CTNNA3: variants seen among roughly 807,000 people sequenced by gnomAD.
CTNNA3 encodes catenin alpha-3.
In CTNNA3, 76 loss-of-function variants were observed where a neutral mutation model predicts 95.7. The observed-to-expected ratio is 0.79, with a 90% CI of 0.66 to 0.96. The LOEUF (loss-of-function observed/expected upper bound fraction) is 0.96, where lower values mean the gene tolerates loss of function less well. CTNNA3 is among the 40% of genes least tolerant of loss of function. The pLI, the probability that CTNNA3 is intolerant of heterozygous loss-of-function variation, is 0.00. For synonymous variants in CTNNA3, 431 were observed against 374.4 expected, an observed-to-expected ratio of 1.15 and a Z score of -1.74; for missense variants, 1,191 against 1,089.8, an observed-to-expected ratio of 1.09 and a Z score of -1.31.
chr10:67,516,345 A>G (rs1378358350), intron 5 of CTNNA3, among the ~76,000 whole-genome samples: 1 of 152,166 alleles, frequency 6.6e-6, no homozygotes, highest in African/African-American at 2.4e-5. Context: ...AAGTCCTTAC[A>G]TGATTGAAGG....
At chr10:66,214,705 C>A (rs2088400077) in intron 13 of CTNNA3, among the ~76,000 whole-genome samples, 1 of 151,996 alleles carries the variant, frequency 6.6e-6, no homozygotes, top group Non-Finnish European at 1.5e-5. Context: ...AATGACTCTT[C>A]CTTCTGGTTT....
At chr10:66,113,434 A>C (rs1430726062) in intron 13 of CTNNA3, among the ~76,000 whole-genome samples, 2 of 152,188 alleles carry the variant, frequency 1.3e-5, no homozygotes, top group African/African-American at 4.8e-5. Flanking sequence ...AGGAACAGAA[A>C]ATCTATGGTA....
chr10:67,685,928 C>A (rs557111309), intron 1 of CTNNA3, among the ~76,000 whole-genome samples: 2 of 152,218 alleles, frequency 1.3e-5, no homozygotes, highest in East Asian at 3.9e-4. Flanking sequence ...GTCTCCTTCT[C>A]TTTGTCTATC....
At chr10:66,404,782 G>GTTTTT (rs3998970) in intron 11 of CTNNA3, among the ~76,000 whole-genome samples, 30 of 149,232 alleles carry the variant, frequency 2.0e-4, no homozygotes, top group East Asian at 1.4e-3. Flanking sequence ...TTTCCTGTGG[G>GTTTTT]TTTTTTTTTT....
At chr10:67,441,645 A>G (rs913617365) in intron 5 of CTNNA3, among the ~76,000 whole-genome samples, 1 of 152,118 alleles carries the variant, frequency 6.6e-6, no homozygotes, top group Non-Finnish European at 1.5e-5. Context: ...AGGCCAGGAG[A>G]GAGTGGTATT....
At chr10:66,773,290 G>T (rs1288417416) in intron 8 of CTNNA3, among the ~76,000 whole-genome samples, 1 of 152,108 alleles carries the variant, frequency 6.6e-6, no homozygotes, top group African/African-American at 2.4e-5. Context: ...ATTGAACTGG[G>T]ACAGGGTTTT....
At chr10:66,903,434 A>C (rs1279719014) in intron 7 of CTNNA3, among the ~76,000 whole-genome samples, 3 of 152,166 alleles carry the variant, frequency 2.0e-5, no homozygotes, top group Non-Finnish European at 2.9e-5. Flanking sequence ...CCGAATGGAC[A>C]AAAACTGGAA....
chr10:65,981,317 AAC>A (rs1291347966), intron 16 of CTNNA3, among the ~76,000 whole-genome samples: 1 of 152,100 alleles, frequency 6.6e-6, no homozygotes, highest in Non-Finnish European at 1.5e-5. Flanking sequence ...CTACAAGGAA[AAC>A]CACAAAACAC....
chr10:67,107,332 T>A (rs563026826), intron 7 of CTNNA3, among the ~76,000 whole-genome samples: 1 of 152,214 alleles, frequency 6.6e-6, no homozygotes, highest in African/African-American at 2.4e-5. Flanking sequence ...ACATTTCTAT[T>A]TTATCTTCTT....
At chr10:67,762,386 A>C (rs1180262822) in intron 1 of CTNNA3, among the ~76,000 whole-genome samples, 13 of 144,670 alleles carry the variant, frequency 9.0e-5, no homozygotes, top group African/African-American at 3.5e-4. Context: ...CCCCCCCCAA[A>C]AAAAAAAAAG....
intron 7 of CTNNA3, among the ~76,000 whole-genome samples, chr10:67,113,661 C>A (rs1564899634): frequency 6.6e-6 from 1 of 152,074 alleles, no homozygotes; most frequent in Non-Finnish European, 1.5e-5. Flanking sequence ...ATGATAATAG[C>A]TTACTAGGCT....
intron 5 of CTNNA3, among the ~76,000 whole-genome samples, chr10:67,354,958 A>G (rs1564590686): frequency 6.6e-6 from 1 of 152,018 alleles, no homozygotes; most frequent in African/African-American, 2.4e-5. Flanking sequence ...TGATAATGCA[A>G]GACCATGAAA....
rs368554085 is a variant in CTNNA3, at chr10:66,346,211, GTA to G, written c.1732+32939_1732+32940del. Among the ~76,000 whole-genome samples, 204 of 105,448 alleles carry G rather than the reference GTA, an allele frequency of 1.9e-3. 1 individual carries two copies. The highest frequency in any genetic ancestry group is 7.0e-3 in the African/African-American group (193 of 27,516). 69.2% of individuals were successfully genotyped at this position (105,448 alleles called of 152,430 possible). ...AATTGAATAGTAAGTATGTGTGTGTGTATATATATATATATATATATATATAT... is the reference window on the plus strand; with the variant it reads ...AATTGAATAGTAAGTATGTGTGTGTGTATATATATATATATATATATATAT... On this transcript the variant is annotated intron_variant, in intron 12 of 17. Coordinates refer to ENST00000433211, the MANE Select transcript of CTNNA3 (RefSeq NM_013266.4).
chr10:67,661,321 G>A (rs1840182608), intron 1 of CTNNA3, among the ~76,000 whole-genome samples: 1 of 151,580 alleles, frequency 6.6e-6, no homozygotes, highest in Admixed American at 6.6e-5. Context: ...AAGGAAGGAA[G>A]GAAGGGAAGA....
chr10:66,685,325 G>GTATATA (rs1564617459), intron 9 of CTNNA3, among the ~76,000 whole-genome samples: 81 of 29,996 alleles, frequency 2.7e-3, no homozygotes, highest in African/African-American at 4.6e-3. Flanking sequence ...GTGTATGTGT[G>GTATATA]TATATATATA....
At chr10:67,186,015 G>A (rs1271614521) in intron 6 of CTNNA3, among the ~76,000 whole-genome samples, 1 of 139,410 alleles carries the variant, frequency 7.2e-6, no homozygotes, top group African/African-American at 2.6e-5. Flanking sequence ...TACAGAGCAA[G>A]ACTCCGTCTC....
At chr10:66,711,656 C>G (rs1027714519) in intron 9 of CTNNA3, among the ~76,000 whole-genome samples, 2 of 152,054 alleles carry the variant, frequency 1.3e-5, no homozygotes, top group African/African-American at 4.8e-5. Flanking sequence ...TCAAGTGATT[C>G]TCCTGTCTCA....
At chr10:67,076,794 AC>A (rs1432599060) in intron 7 of CTNNA3, among the ~76,000 whole-genome samples, 1 of 152,188 alleles carries the variant, frequency 6.6e-6, no homozygotes, top group Non-Finnish European at 1.5e-5. Context: ...TGTTCAACTT[AC>A]CTTTAGAAAA....
At chr10:66,722,185 T>C (rs961927759) in intron 9 of CTNNA3, among the ~76,000 whole-genome samples, 2 of 152,024 alleles carry the variant, frequency 1.3e-5, no homozygotes, top group Non-Finnish European at 2.9e-5. Flanking sequence ...AAGACCATCA[T>C]GGCTAACATG....
Sources: allele counts gnomAD v4.1 joint callset (sites outside exome capture counted in the v4.1 genomes callset), GRCh38; gene constraint gnomAD v4.1.1; transcripts MANE v1.5; gene names NCBI Gene and HGNC (gene_info 2026-07-23, HGNC 2026-07-21).